The following ADAMTS3 variants were observed in gnomAD, a reference collection of about 807,000 sequenced individuals.
ADAMTS3 encodes the protein ADAM metallopeptidase with thrombospondin type 1 motif 3.
ADAMTS3 carries 73 observed loss-of-function variants against 129.0 expected under a neutral mutation model. The observed-to-expected ratio is 0.57, with a 90% confidence interval of 0.47 to 0.69. The LOEUF (loss-of-function observed/expected upper bound fraction) is 0.69, where lower values mean the gene tolerates loss of function less well. ADAMTS3 is among the 30% of genes least tolerant of loss of function. ADAMTS3 has a pLI of 0.00. For synonymous variants in ADAMTS3, 477 were observed against 510.8 expected, an observed-to-expected ratio of 0.93 and a Z score of 0.89; for missense variants, 1,457 against 1,514.5, an observed-to-expected ratio of 0.96 and a Z score of 0.63.
chr4:72,294,867 C>T (rs1378164220), intron 19 of ADAMTS3, among the ~76,000 whole-genome samples: 4 of 151,876 alleles, frequency 2.6e-5, no homozygotes, highest in Non-Finnish European at 4.4e-5. Context: ...AGAAGAGAAA[C>T]GTAGTAGGAA....
chr4:72,519,611 T>C (rs1375070565), intron 3 of ADAMTS3, among the ~76,000 whole-genome samples: 1 of 152,214 alleles, frequency 6.6e-6, no homozygotes, highest in African/African-American at 2.4e-5. Flanking sequence ...CTGATACCCT[T>C]TCTTCCAGTT....
chr4:72,300,353 A>T (rs1281722619), intron 17 of ADAMTS3, among the ~76,000 whole-genome samples: 2 of 152,142 alleles, frequency 1.3e-5, no homozygotes, highest in Non-Finnish European at 2.9e-5. Context: ...ATCAGTGGGC[A>T]AGTCTTGAAG....
chr4:72,344,944 T>A (rs1319962077), intron 4 of ADAMTS3, among the ~76,000 whole-genome samples: 1 of 152,170 alleles, frequency 6.6e-6, no homozygotes, highest in Non-Finnish European at 1.5e-5. Context: ...AGTTTTTTCT[T>A]GTATGCCACT....
intron 4 of ADAMTS3, 39 bp from the exon 5 acceptor site, chr4:72,339,732 C>T: frequency 2.0e-6 from 3 of 1,533,584 alleles, no homozygotes; most frequent in South Asian, 2.3e-5. Flanking sequence ...TTCAGTTTCC[C>T]TAACAGGCCT....
intron 4 of ADAMTS3, among the ~76,000 whole-genome samples, chr4:72,355,782 C>T (rs1720567226): frequency 6.6e-6 from 1 of 151,996 alleles, no homozygotes; most frequent in Non-Finnish European, 1.5e-5. Flanking sequence ...TAAATTACTC[C>T]ATCTGTCTTA....
chr4:72,510,372 A>C (rs535115391), intron 3 of ADAMTS3, among the ~76,000 whole-genome samples: 2 of 152,132 alleles, frequency 1.3e-5, no homozygotes, highest in Admixed American at 1.3e-4. Context: ...ATTTGGAAAA[A>C]CCTAAACACT....
At chr4:72,303,847 A>T (rs1719014775) in intron 17 of ADAMTS3, 70 bp downstream of exon 17, 1 of 1,506,210 alleles carries the variant, frequency 6.6e-7, no homozygotes, top group Non-Finnish European at 9.1e-7. Context: ...TCAAGGTAAA[A>T]GTGTTTTCAG....
At chr4:72,532,497 A>G (rs2109765864) in intron 3 of ADAMTS3, among the ~76,000 whole-genome samples, 1 of 148,346 alleles carries the variant, frequency 6.7e-6, no homozygotes, top group East Asian at 2.0e-4. Flanking sequence ...ATATGCACAC[A>G]CACACACACA....
At chr4:72,412,444 T>C (rs1325785609) in intron 4 of ADAMTS3, among the ~76,000 whole-genome samples, 3 of 152,040 alleles carry the variant, frequency 2.0e-5, no homozygotes, top group Non-Finnish European at 4.4e-5. Context: ...GGAAGGTATT[T>C]GATCTATGAG....
At chr4:72,328,243 T>C (rs1719748171) in intron 5 of ADAMTS3, among the ~76,000 whole-genome samples, 1 of 152,218 alleles carries the variant, frequency 6.6e-6, no homozygotes, top group Non-Finnish European at 1.5e-5. Context: ...TCAGATGACC[T>C]GATGTTGGAA....
Position 72,283,072 on chromosome 4 carries a change from C to T in ADAMTS3, c.*64G>A. ...GATTTCCACTTTAAACAAGCATATG[C>T]ACCATGGGAAGAGAGAGGTTGTCCA... On this transcript the variant is annotated 3_prime_UTR_variant, in exon 22 of 22. Coordinates refer to ENST00000286657, the MANE Select transcript of ADAMTS3 (RefSeq NM_014243.3). 1 of 1,359,030 alleles carries T rather than the reference C, an allele frequency of 7.4e-7. No individual in the cohort carries two copies. The highest frequency in any genetic ancestry group is 1.0e-6 in the Non-Finnish European group (1 of 982,470). The allele number at this position is 1,359,030 out of a possible 1,614,324, so 84.2% of individuals were successfully genotyped here.
rs113754958 is a variant in ADAMTS3 at position 72,460,885 on chromosome 4, C to T, written c.505-45914G>A. Among the ~76,000 whole-genome samples, 1,079 of 151,746 alleles carry T rather than the reference C, an allele frequency of 7.1e-3. 21 individuals carry two copies. Among genetic ancestry groups the T allele is most frequent in the African/African-American group, 0.025 (1,027 of 41,486 alleles). On this transcript the variant is annotated intron_variant, in intron 3 of 21. Transcript: ENST00000286657. ...TTCTTTTTGGGAATTCATCATAAGA[C>T]TGAATCAAAAGAATCATGAAGCCAC...
chr4:72,526,077 A>G (rs1720799045), intron 3 of ADAMTS3, among the ~76,000 whole-genome samples: 1 of 152,178 alleles, frequency 6.6e-6, no homozygotes, highest in Admixed American at 6.5e-5. Context: ...GTGCTGCTCC[A>G]TGGCTTCCCT....
At chr4:72,298,189 C>T in intron 18 of ADAMTS3, 88 bp downstream of exon 18, 1 of 1,066,274 alleles carries the variant, frequency 9.4e-7, no homozygotes, top group Non-Finnish European at 1.3e-6. Context: ...CAGATTGTGG[C>T]CTCGATTAGA....
intron 5 of ADAMTS3, among the ~76,000 whole-genome samples, chr4:72,329,132 T>C (rs1462550861): frequency 6.6e-6 from 1 of 152,180 alleles, no homozygotes; most frequent in Non-Finnish European, 1.5e-5. Context: ...CCTTTGAGTC[T>C]CTGTTCTTAT....
At chr4:72,288,907 A>G (rs1718583292) in intron 20 of ADAMTS3, 39 bp from the exon 21 acceptor site, 1 of 1,032,004 alleles carries the variant, frequency 9.7e-7, no homozygotes. Flanking sequence ...CATTTATTGC[A>G]CCAAGACCAT....
intron 3 of ADAMTS3, among the ~76,000 whole-genome samples, chr4:72,480,110 G>A (rs200057209): frequency 2.0e-5 from 3 of 152,204 alleles, no homozygotes; most frequent in Non-Finnish European, 4.4e-5. Flanking sequence ...CTGTAAACGA[G>A]TTCAACCATT....
chr4:72,347,043 C>T (rs1392337627), intron 4 of ADAMTS3, among the ~76,000 whole-genome samples: 1 of 152,058 alleles, frequency 6.6e-6, no homozygotes, highest in East Asian at 1.9e-4. Flanking sequence ...GAAAAGTTCT[C>T]ATTATTAAGC....
chr4:72,412,799 T>C (rs939214606), intron 4 of ADAMTS3, among the ~76,000 whole-genome samples: 1 of 152,060 alleles, frequency 6.6e-6, no homozygotes, highest in Non-Finnish European at 1.5e-5. Flanking sequence ...TCAAAATATA[T>C]TACTCTAGTT....
Sources: gnomAD v4.1 joint callset for allele counts (sites outside exome capture counted in the v4.1 genomes callset) on GRCh38, gnomAD v4.1.1 for gene constraint, MANE v1.5 for transcripts, NCBI Gene and HGNC (gene_info 2026-07-23, HGNC 2026-07-21) for gene names.